The following RBM26 variants were observed in gnomAD, a reference collection of about 807,000 sequenced individuals.
RBM26 encodes the protein RNA-binding protein 26.
In RBM26, 30 loss-of-function variants were observed where a neutral mutation model predicts 123.6. The ratio of observed to expected loss-of-function variants is 0.24; its 90% confidence interval spans 0.18 to 0.33. The LOEUF (loss-of-function observed/expected upper bound fraction) is 0.33. RBM26 is among the 10% of genes least tolerant of loss of function. The pLI is 1.00. For missense variants in RBM26, 947 were observed against 1,203.6 expected (o/e 0.79, Z 3.15); for synonymous variants, 400 against 404.4 (o/e 0.99, Z 0.13).
Position 79,368,855 on chromosome 13 carries a change from A to C in RBM26, c.770T>G (p.Val257Gly). 1 of 1,613,924 alleles carries C rather than the reference A, an allele frequency of 6.2e-7. No homozygotes were observed. Among genetic ancestry groups the C allele is most frequent in the Non-Finnish European group, 8.5e-7 (1 of 1,179,860 alleles). ...PVPTLSSTIT[V>G]IAPTHHGNNT... ...GTTTCCATGATGAGTAGGAGCAATTACTGTAATAGTGCTGCTCAAAGTAGG... is the reference window on the plus strand; with the variant it reads ...GTTTCCATGATGAGTAGGAGCAATTCCTGTAATAGTGCTGCTCAAAGTAGG... The change falls in exon 6 of 22, where the codon GTA (valine) becomes GGA (glycine). Residue 257 changes from valine (V) to glycine (G), a missense_variant. This residue lies in a region of RBM26 where 275 missense variants were observed against 361.0 expected (regional missense o/e 0.76). Transcript: ENST00000438737.
At chr13:79,404,228 A>C (rs9545107) in intron 1 of RBM26, among the ~76,000 whole-genome samples, 150,297 of 152,298 alleles carry the variant, frequency 0.99, 74,203 homozygotes, top group East Asian at 1. Flanking sequence ...GCCTTCTCTA[A>C]TATCACCCAT....
chr13:79,315,587 A>T (rs2067070249), downstream of RBM26, among the ~76,000 whole-genome samples: 1 of 151,896 alleles, frequency 6.6e-6, no homozygotes, highest in Non-Finnish European at 1.5e-5. Context: ...ATGGGAAATG[A>T]GTAGATGGAT....
In RBM26 at chr13:79,371,907, C is replaced by A. The variant is rs748641257; in HGVS notation, c.351G>T (p.Glu117Asp). 6.2e-7 allele frequency: 1 copy of A among 1,606,434 alleles called. No individual in the cohort carries two copies. Among genetic ancestry groups the A allele is most frequent in the Non-Finnish European group, 8.5e-7 (1 of 1,174,456 alleles). ...GATTTAGCCTTCTAGAAAACTTCTT[C>A]TCTCGCTCTTCCTCCTTAGTGATCT... is the stretch of plus-strand genomic sequence containing the variant. ...KEEITKEEER[E>D]KKFSRRLNHS... The change falls in exon 4 of 22, where the codon GAG becomes GAT. Residue 117 changes from glutamate (E) to aspartate (D), a missense_variant. By Grantham distance (45) the Glu-to-Asp change is conservative (BLOSUM62 2). Around this residue, in one of 5 missense-constraint regions of RBM26, gnomAD observed 275 missense variants for 361.0 expected, o/e 0.76. Coordinates refer to ENST00000438737, the MANE Select transcript of RBM26 (RefSeq NM_001366735.2).
chr13:79,349,195 T>A (rs2072814342), intron 14 of RBM26, among the ~76,000 whole-genome samples: 1 of 152,196 alleles, frequency 6.6e-6, no homozygotes, highest in Admixed American at 6.5e-5. Flanking sequence ...GTCACTTTTT[T>A]TTGTGGTGAG....
chr13:79,360,907 A>T (rs1243070120), intron 9 of RBM26, among the ~76,000 whole-genome samples: 1 of 152,190 alleles, frequency 6.6e-6, no homozygotes, highest in Non-Finnish European at 1.5e-5. Flanking sequence ...CCTTTTTTAT[A>T]GATGGCAAAA....
At position 79,337,208 on chromosome 13, in the gene RBM26, C is replaced by G. The variant is rs1566345295; in HGVS notation, c.2627G>C (p.Arg876Pro). The change falls in exon 19 of 22, where the codon CGA (arginine) becomes CCA (proline). Residue 876 changes from arginine (R) to proline (P), a missense_variant. Around this residue, in one of 5 missense-constraint regions of RBM26, gnomAD observed 164 missense variants for 215.3 expected, o/e 0.76. Coordinates refer to ENST00000438737, the MANE Select transcript of RBM26 (RefSeq NM_001366735.2). Reference sequence around the variant, plus strand: ...AGCATGACCAGGCACACCTCGCCCTCGCCCTCGCCCCCTGCCTCGGCCATG... The same window carrying G: ...AGCATGACCAGGCACACCTCGCCCTGGCCCTCGCCCCCTGCCTCGGCCATG... ...AVHGRGRGRG[R>P]GRGVPGHAVV... is the part of the protein sequence containing the mutation. The G allele has an allele frequency of 6.2e-7, 1 of 1,614,140 alleles. No homozygotes were observed. The highest frequency in any genetic ancestry group is 8.5e-7 in the Non-Finnish European group (1 of 1,180,010).
In RBM26 at chr13:79,337,207, T is replaced by C. The variant is rs1390066045; in HGVS notation, c.2628A>G (p.Arg876=). 5.6e-6 allele frequency: 9 copies of C among 1,613,982 alleles called. No homozygotes were observed. The highest frequency in any genetic ancestry group is 7.6e-6 in the Non-Finnish European group (9 of 1,180,012). ...CAGCATGACCAGGCACACCTCGCCC[T>C]CGCCCTCGCCCCCTGCCTCGGCCAT... ...AVHGRGRGRG[R]GRGVPGHAVV... is the part of the protein sequence containing the mutation. Residue 876 remains arginine (R), a synonymous_variant, in exon 19 of 22, where the codon CGA becomes CGG. Coordinates refer to ENST00000438737, the MANE Select transcript of RBM26 (RefSeq NM_001366735.2).
chr13:79,321,668 T>C (rs1161742011), intron 21 of RBM26, among the ~76,000 whole-genome samples: 1 of 151,292 alleles, frequency 6.6e-6, no homozygotes, highest in Non-Finnish European at 1.5e-5. Context: ...TACCTCTCAA[T>C]TATATTACCA....
rs139108178 is a variant in RBM26 at position 79,383,421 on chromosome 13, AAGAG to A, written c.72-4518_72-4515del. 9.1e-4 allele frequency among the ~76,000 whole-genome samples: 139 copies of A among 152,336 alleles called. 2 individuals are homozygous for A. In the East Asian group the frequency reaches 0.025, roughly 28 times the overall value. On this transcript the variant is annotated intron_variant, in intron 1 of 21. Transcript: ENST00000438737. ...GATCTGAAACATATTAATAGTTACTAAGAGAGAGAATATACATACAAATATATGT... is the reference window on the plus strand; with the variant it reads ...GATCTGAAACATATTAATAGTTACTAAGAGAATATACATACAAATATATGT...
At chr13:79,335,857 T>G (rs895935204) in intron 19 of RBM26, among the ~76,000 whole-genome samples, 7 of 152,132 alleles carry the variant, frequency 4.6e-5, no homozygotes, top group African/African-American at 1.7e-4. Flanking sequence ...TATCTGGCTC[T>G]CCTTTCTCTT....
At chr13:79,334,857 AT>A (rs1415401578) in intron 19 of RBM26, among the ~76,000 whole-genome samples, 1 of 152,136 alleles carries the variant, frequency 6.6e-6, no homozygotes, top group Non-Finnish European at 1.5e-5. Flanking sequence ...GAAAAAGAAA[AT>A]TTAAGTAACT....
At chr13:79,393,959 G>A (rs2078328386) in intron 1 of RBM26, among the ~76,000 whole-genome samples, 1 of 152,124 alleles carries the variant, frequency 6.6e-6, no homozygotes. Context: ...GTTCACCTTG[G>A]GGGCAAGTCT....
chr13:79,370,615 A>G (rs2075782067), intron 5 of RBM26, among the ~76,000 whole-genome samples: 1 of 152,234 alleles, frequency 6.6e-6, no homozygotes. Context: ...GAAGTAGAAT[A>G]GCGGACCCAT....
chr13:79,346,238 C>T (rs1462845287), intron 14 of RBM26, among the ~76,000 whole-genome samples: 1 of 152,044 alleles, frequency 6.6e-6, no homozygotes, highest in Non-Finnish European at 1.5e-5. Context: ...CATCACAAAT[C>T]GCTATTCTAA....
chr13:79,368,635 G>A, intron 6 of RBM26, 95 bp downstream of exon 6: 1 of 1,211,642 alleles, frequency 8.3e-7, no homozygotes, highest in Non-Finnish European at 1.2e-6. Flanking sequence ...ACTTTTCAGA[G>A]GTAAGTCTTT....
Position 79,405,699 on chromosome 13 carries a change from C to A in RBM26, c.71+5G>T. The A allele has an allele frequency of 6.3e-7, 1 of 1,586,130 alleles. No homozygotes were observed. The highest frequency in any genetic ancestry group is 8.6e-7 in the Non-Finnish European group (1 of 1,162,480). ...CCTGCAAAGAGATATCCCCCGGATA[C>A]TCACATGGGCTCGAGAGTCTTGCTG... On this transcript the variant is annotated splice_donor_5th_base_variant and intron_variant, in intron 1 of 21. Coordinates refer to ENST00000438737, the MANE Select transcript of RBM26 (RefSeq NM_001366735.2).
chr13:79,369,315 G>A (rs1291449509), intron 5 of RBM26, among the ~76,000 whole-genome samples: 1 of 152,060 alleles, frequency 6.6e-6, no homozygotes, highest in East Asian at 1.9e-4. Flanking sequence ...AACAAAACAT[G>A]CAATAAAGTA....
intron 16 of RBM26, 54 bp from the exon 17 acceptor site, chr13:79,342,885 A>G (rs2071650405): frequency 9.1e-7 from 1 of 1,102,708 alleles, no homozygotes; most frequent in Non-Finnish European, 1.3e-6. Context: ...ATTATCATTA[A>G]CAAAACAAAC....
At chr13:79,332,096 T>C (rs576009441) in intron 20 of RBM26, among the ~76,000 whole-genome samples, 2 of 152,330 alleles carry the variant, frequency 1.3e-5, no homozygotes, top group East Asian at 3.9e-4. Flanking sequence ...ACTATGCATC[T>C]ATTGATTATA....
Sources: allele counts gnomAD v4.1 joint callset (sites outside exome capture counted in the v4.1 genomes callset), GRCh38; gene constraint gnomAD v4.1.1; regional missense constraint gnomAD v4.1.1; transcripts MANE v1.5; gene names NCBI Gene and HGNC (gene_info 2026-07-23, HGNC 2026-07-21).